DBNDD2: variants seen among roughly 807,000 people sequenced by gnomAD.
DBNDD2 encodes dysbindin domain-containing protein 2.
A neutral mutation model predicts 14.0 loss-of-function variants in DBNDD2; 8 were observed. That is an observed-to-expected ratio of 0.57 (90% CI 0.33 to 1.03). The LOEUF (loss-of-function observed/expected upper bound fraction) is 1.03. DBNDD2 is among the 50% of genes least tolerant of loss of function. The pLI is 0.03. For synonymous variants in DBNDD2, 94 were observed against 85.3 expected (o/e 1.10, Z -0.56); for missense variants, 194 against 206.0 (o/e 0.94, Z 0.36).
At chr20:45,409,890 G>C in intron 2 of DBNDD2, 42 bp from the exon 3 acceptor site, 1 of 1,545,856 alleles carries the variant, frequency 6.5e-7, no homozygotes, top group Non-Finnish European at 8.8e-7. Flanking sequence ...AGAGTTCTCT[G>C]AAGCCCTGTT....
At chr20:45,407,750 T>G (rs902451092), upstream of DBNDD2, 61 of 1,008,794 alleles carry the variant, frequency 6.0e-5, no homozygotes, top group Non-Finnish European at 7.0e-5. Context: ...ATAGCTCACC[T>G]TCACAAGCAG....
At chr20:45,406,261 T>C, upstream of DBNDD2, 1 of 550,736 alleles carries the variant, frequency 1.8e-6, no homozygotes, top group Non-Finnish European at 3.2e-6. Flanking sequence ...TTCGGGTGCG[T>C]AGTCGTTGCG....
chr20:45,406,764 C>T (rs1989429650), upstream of DBNDD2: 3 of 1,263,172 alleles, frequency 2.4e-6, no homozygotes, highest in Non-Finnish European at 3.0e-6. Context: ...GGCGCAGGTG[C>T]CGCGGTGGAC....
upstream of DBNDD2, chr20:45,406,351 G>C (rs1173234116): frequency 1.7e-6 from 2 of 1,170,326 alleles, no homozygotes; most frequent in African/African-American, 3.2e-5. Context: ...GTCTGCGCGG[G>C]GCGGGGGCGC....
upstream of DBNDD2, chr20:45,406,871 C>T (rs183006574): frequency 2.4e-3 from 2,784 of 1,149,938 alleles, 7 homozygotes; most frequent in Admixed American, 4.6e-3. Context: ...GGAATTTTTT[C>T]CCTCTTGCTG....
intron 1 of DBNDD2, 34 bp from the exon 2 acceptor site, chr20:45,408,767 G>T (rs1471510052): frequency 4.4e-6 from 7 of 1,605,654 alleles, no homozygotes; most frequent in Non-Finnish European, 5.1e-6. Flanking sequence ...GTGCAGCTTG[G>T]GTCCTCCTGA....
chr20:45,407,930 G>A, upstream of DBNDD2: 1 of 1,358,868 alleles, frequency 7.4e-7, no homozygotes, highest in East Asian at 2.7e-5. Context: ...TTGTGTGGGT[G>A]GAGAGAAAAG....
chr20:45,407,201 T>G, upstream of DBNDD2: 1 of 562,872 alleles, frequency 1.8e-6, no homozygotes, highest in Non-Finnish European at 2.3e-6. Flanking sequence ...GGGCCCTGGG[T>G]ATTTTTAGCG....
upstream of DBNDD2, chr20:45,406,130 C>T (rs1333825943): frequency 7.0e-6 from 2 of 287,032 alleles, no homozygotes; most frequent in African/African-American, 4.5e-5. Flanking sequence ...TGCTGGGCGG[C>T]ACCGGGTCAG....
Position 45,410,127 on chromosome 20 carries a change from G to C in DBNDD2, c.473G>C (p.Gly158Ala), listed in dbSNP as rs562823941. The change falls in exon 3 of 3, where the codon GGA becomes GCA. Residue 158 changes from glycine to alanine, a missense_variant. Transcript: ENST00000372710. ...EERGDGGAEP[G>A]ACS Reference sequence around the variant, plus strand: ...AGGGGTGATGGAGGGGCAGAGCCTGGAGCCTGCAGCTAGCAGTGGGCCCCT... The same window carrying C: ...AGGGGTGATGGAGGGGCAGAGCCTGCAGCCTGCAGCTAGCAGTGGGCCCCT... 81 of 1,551,964 alleles carry C rather than the reference G, an allele frequency of 5.2e-5. No homozygotes were observed. In the African/African-American group the frequency reaches 1.1e-3, roughly 20 times the overall value.
At chr20:45,406,225 T>G, upstream of DBNDD2, 1 of 501,706 alleles carries the variant, frequency 2.0e-6, no homozygotes, top group South Asian at 2.7e-5. Context: ...GTGTGGCGAG[T>G]GTGGCCAAGG....
rs1218551391 is a variant in DBNDD2, at chr20:45,410,186, A to T, written c.*46A>T. The T allele has an allele frequency of 3.2e-6, 5 of 1,546,512 alleles. No individual in the cohort carries two copies. Among genetic ancestry groups the T allele is most frequent in the Non-Finnish European group, 3.5e-6 (4 of 1,143,658 alleles). Reference sequence around the variant, plus strand: ...ACTGACCACGCTGGCTATTCTCCACATGAGACCACAGGCCCAGCCAGAGCC... The same window carrying T: ...ACTGACCACGCTGGCTATTCTCCACTTGAGACCACAGGCCCAGCCAGAGCC... On this transcript the variant is annotated 3_prime_UTR_variant, in exon 3 of 3. Coordinates refer to ENST00000372710, the MANE Select transcript of DBNDD2 (RefSeq NM_001048225.4).
upstream of DBNDD2, chr20:45,407,839 G>T: frequency 9.1e-7 from 1 of 1,103,748 alleles, no homozygotes; most frequent in Non-Finnish European, 1.1e-6. Flanking sequence ...GATTTCCTTA[G>T]GGGCAGAGCC....
At chr20:45,406,976 A>C, upstream of DBNDD2, among the ~76,000 whole-genome samples, 3 of 146,152 alleles carry the variant, frequency 2.1e-5, no homozygotes, top group Admixed American at 6.8e-5. Flanking sequence ...AAATCTCTTC[A>C]CCCCCTTTCC....
chr20:45,407,403 A>C, upstream of DBNDD2: 6 of 986,028 alleles, frequency 6.1e-6, no homozygotes, highest in Non-Finnish European at 7.2e-6. Context: ...CGCTGGGTGC[A>C]GATGAGGTGG....
upstream of DBNDD2, chr20:45,407,478 G>T: frequency 1.0e-6 from 1 of 985,808 alleles, no homozygotes; most frequent in Non-Finnish European, 1.2e-6. Context: ...CTCTGGTGAT[G>T]GGCTCAGAGC....
At position 45,410,035 on chromosome 20, in the gene DBNDD2, G is replaced by A; in HGVS notation, c.381G>A (p.Leu127=). The change falls in exon 3 of 3, where the codon CTG becomes CTA. Residue 127 remains leucine, a synonymous_variant. Transcript: ENST00000372710. ...SSSSSDSSTN[L]HSPNPSDDGA... ...CCTCCTCCGACTCCTCCACCAACCTGCATAGCCCAAATCCAAGTGATGATG... is the reference window on the plus strand; with the variant it reads ...CCTCCTCCGACTCCTCCACCAACCTACATAGCCCAAATCCAAGTGATGATG... The A allele has an allele frequency of 5.8e-6, 9 of 1,553,100 alleles. No individual in the cohort carries two copies. The highest frequency in any genetic ancestry group is 7.8e-6 in the Non-Finnish European group (9 of 1,147,640).
At chr20:45,407,733 C>T, upstream of DBNDD2, 5 of 1,004,044 alleles carry the variant, frequency 5.0e-6, no homozygotes, top group South Asian at 2.2e-4. Context: ...AGATGGTAGT[C>T]TCCTAAATAG....
intron 2 of DBNDD2, 45 bp downstream of exon 2, chr20:45,408,983 C>A: frequency 6.2e-7 from 1 of 1,614,070 alleles, no homozygotes; most frequent in East Asian, 2.2e-5. Flanking sequence ...TCAGCCAGAG[C>A]CGGATGTCAG....
Sources: gnomAD v4.1 joint callset for allele counts (sites outside exome capture counted in the v4.1 genomes callset) on GRCh38, gnomAD v4.1.1 for gene constraint, MANE v1.5 for transcripts, NCBI Gene and HGNC (gene_info 2026-07-23, HGNC 2026-07-21) for gene names.